Variants in GRIK1 observed in about 807,000 individuals in gnomAD.
GRIK1 encodes glutamate ionotropic receptor kainate type subunit 1.
Under a neutral mutation model 105.7 loss-of-function variants are expected in GRIK1, and 69 were observed. The observed-to-expected ratio is 0.65, with a 90% confidence interval of 0.54 to 0.80. GRIK1 has a LOEUF of 0.80. Among genes scored for constraint, GRIK1 ranks in the 30% least tolerant of loss-of-function variants. GRIK1 has a pLI of 0.00. For missense variants in GRIK1, 1,109 were observed against 1,167.3 expected (o/e 0.95, Z 0.73); for synonymous variants, 438 against 431.3 (o/e 1.02, Z -0.19).
At chr21:29,605,393 A>T (rs918021590) in intron 7 of GRIK1, among the ~76,000 whole-genome samples, 13 of 152,268 alleles carry the variant, frequency 8.5e-5, no homozygotes, top group African/African-American at 2.6e-4. Flanking sequence ...AAAGGACATG[A>T]TCTTGTTCCT....
At chr21:29,912,318 A>G (rs893552012) in intron 1 of GRIK1, among the ~76,000 whole-genome samples, 1 of 152,072 alleles carries the variant, frequency 6.6e-6, no homozygotes, top group African/African-American at 2.4e-5. Context: ...CAGCCGCTAG[A>G]TAACCTCCCC....
At chr21:29,739,462 G>T (rs773901438) in intron 1 of GRIK1, among the ~76,000 whole-genome samples, 1 of 152,142 alleles carries the variant, frequency 6.6e-6, no homozygotes, top group Non-Finnish European at 1.5e-5. Flanking sequence ...GAAGAGTTTA[G>T]ATTTTTCCTA....
chr21:29,665,252 A>G (rs566890602), intron 4 of GRIK1, among the ~76,000 whole-genome samples: 141 of 152,324 alleles, frequency 9.3e-4, no homozygotes, highest in Non-Finnish European at 1.8e-3. Context: ...ATTGTTGGTT[A>G]TCCACAAAGG....
At chr21:29,826,192 G>C (rs188433955) in intron 1 of GRIK1, among the ~76,000 whole-genome samples, 178 of 152,196 alleles carry the variant, frequency 1.2e-3, no homozygotes, top group African/African-American at 3.9e-3. Flanking sequence ...AAGTCCATTT[G>C]ATCACGTTTC....
At chr21:29,851,547 G>A (rs1345281107) in intron 1 of GRIK1, among the ~76,000 whole-genome samples, 1 of 152,136 alleles carries the variant, frequency 6.6e-6, no homozygotes, top group Non-Finnish European at 1.5e-5. Context: ...GCCCTATAAT[G>A]CAGTGGAAAT....
intron 6 of GRIK1, among the ~76,000 whole-genome samples, chr21:29,645,873 A>G (rs2062607693): frequency 6.6e-6 from 1 of 152,190 alleles, no homozygotes; most frequent in African/African-American, 2.4e-5. Flanking sequence ...TTTTACCACA[A>G]TCTGAACCAT....
chr21:29,701,282 C>T (rs901876215), intron 1 of GRIK1, among the ~76,000 whole-genome samples: 4 of 152,140 alleles, frequency 2.6e-5, no homozygotes, highest in Non-Finnish European at 5.9e-5. Context: ...CAGGCATTGA[C>T]ATGTCAGAGT....
chr21:29,545,538 A>G (rs2090037241), intron 16 of GRIK1, among the ~76,000 whole-genome samples: 1 of 152,226 alleles, frequency 6.6e-6, no homozygotes, highest in South Asian at 2.1e-4. Flanking sequence ...TAAACTTCCA[A>G]GAAATTCTTT....
At chr21:29,651,430 C>T (rs1028677092) in intron 5 of GRIK1, 139 bp from the exon 6 acceptor site, 5 of 600,460 alleles carry the variant, frequency 8.3e-6, no homozygotes, top group Non-Finnish European at 1.4e-5. Flanking sequence ...GTTTCAGTTA[C>T]CTGCGGTCAA....
intron 7 of GRIK1, among the ~76,000 whole-genome samples, chr21:29,601,477 T>C (rs1304838633): frequency 2.6e-5 from 4 of 152,216 alleles, no homozygotes; most frequent in African/African-American, 9.6e-5. Flanking sequence ...CAGAGGTCTT[T>C]GAAAATTTTG....
intron 7 of GRIK1, among the ~76,000 whole-genome samples, chr21:29,628,068 C>T (rs2062174921): frequency 1.3e-5 from 2 of 152,208 alleles, no homozygotes. Context: ...TGTACAATTA[C>T]TGTCTTTCTC....
At chr21:29,641,579 A>C (rs1175348189) in intron 7 of GRIK1, among the ~76,000 whole-genome samples, 2 of 152,188 alleles carry the variant, frequency 1.3e-5, no homozygotes, top group African/African-American at 4.8e-5. Flanking sequence ...TAAGATTTAA[A>C]CCCATGCAGT....
chr21:29,782,518 TGGAGTATCATGA>T (rs1446650541), intron 1 of GRIK1, among the ~76,000 whole-genome samples: 4 of 152,214 alleles, frequency 2.6e-5, no homozygotes, highest in Admixed American at 2.0e-4. Flanking sequence ...ACCCCCAAGA[TGGAGTATCATGA>T]GGTCTAGGAT....
intron 14 of GRIK1, among the ~76,000 whole-genome samples, chr21:29,562,421 G>A (rs1601123099): frequency 1.3e-5 from 2 of 152,288 alleles, no homozygotes; most frequent in East Asian, 1.9e-4. Context: ...TTGGGAGGCC[G>A]AGGTGGGCAG....
chr21:29,912,896 T>G (rs1165791614), intron 1 of GRIK1, among the ~76,000 whole-genome samples: 1 of 152,072 alleles, frequency 6.6e-6, no homozygotes, highest in Non-Finnish European at 1.5e-5. Context: ...AAAATATACT[T>G]ACTTGTTTAA....
Position 29,666,187 on chromosome 21 carries a change from T to C in GRIK1, c.726+6796A>G, listed in dbSNP as rs183970800. 8.5e-5 allele frequency among the ~76,000 whole-genome samples: 13 copies of C among 152,306 alleles called. No individual in the cohort carries two copies. In the East Asian group the frequency reaches 2.1e-3, roughly 25 times the overall value. On this transcript the variant is annotated intron_variant, in intron 4 of 17. Transcript: ENST00000327783. ...GGGAGGCCAAGGCAGGCGGATCACC[T>C]GAGGTCGGGAGTTTGAGACCAGCCT...
At chr21:29,911,472 T>G (rs2146294325) in intron 1 of GRIK1, among the ~76,000 whole-genome samples, 1 of 152,168 alleles carries the variant, frequency 6.6e-6, no homozygotes, top group South Asian at 2.1e-4. Flanking sequence ...ATAAACTATG[T>G]TATTGAGATA....
chr21:29,675,428 C>A (rs1290757827), intron 3 of GRIK1, among the ~76,000 whole-genome samples: 1 of 151,886 alleles, frequency 6.6e-6, no homozygotes, highest in Non-Finnish European at 1.5e-5. Context: ...CTCTAAATAA[C>A]ATTGGGAAAA....
intron 4 of GRIK1, among the ~76,000 whole-genome samples, chr21:29,668,156 A>G (rs2063096114): frequency 1.3e-5 from 2 of 152,212 alleles, no homozygotes; most frequent in Non-Finnish European, 2.9e-5. Flanking sequence ...TGTGTGTCAA[A>G]TGTAGTAGGT....
Sources: allele counts gnomAD v4.1 joint callset (sites outside exome capture counted in the v4.1 genomes callset), GRCh38; gene constraint gnomAD v4.1.1; transcripts MANE v1.5; gene names NCBI Gene and HGNC (gene_info 2026-07-23, HGNC 2026-07-21).